The following ANKRD52 variants were observed in gnomAD, a reference collection of about 807,000 sequenced individuals.
The protein encoded by ANKRD52 is ankyrin repeat domain 52, also known as serine/threonine-protein phosphatase 6 regulatory ankyrin repeat subunit C.
ANKRD52 carries 7 observed loss-of-function variants against 116.0 expected under a neutral mutation model. The ratio of observed to expected loss-of-function variants is 0.06; its 90% CI spans 0.03 to 0.11. The LOEUF is 0.11. Among genes scored for constraint, ANKRD52 ranks in the 10% least tolerant of loss-of-function variants. ANKRD52 has a pLI of 1.00. For missense variants in ANKRD52, 839 were observed against 1,408.6 expected (o/e 0.60, Z 6.47); for synonymous variants, 528 against 578.1 (o/e 0.91, Z 1.24).
rs1471651477 is a variant in ANKRD52 at position 56,255,504 on chromosome 12, TGTAA to T, written c.462+276_462+279del. On this transcript the variant is annotated intron_variant, in intron 5 of 27. Transcript: ENST00000267116. The surrounding 1 kb of genome is among the most constrained non-coding windows in gnomAD (Gnocchi z 4.3). ...CGTGCCCGGCCGGTTCTTAAACTCT[TGTAA>T]GTCTTTGCAAATGTGCTGAAAGACA... Among the ~76,000 whole-genome samples the T allele has an allele frequency of 2.0e-5, 3 of 152,224 alleles. No individual in the cohort carries two copies. Among genetic ancestry groups the T allele is most frequent in the Non-Finnish European group, 2.9e-5 (2 of 68,040 alleles).
In ANKRD52 at chr12:56,241,763, G is replaced by A; in HGVS notation, c.*1379C>T. ...GGCTGCACTAGGAGATGGGTGGACA[G>A]AGCACTTAAAGGGACCAGGGCCAAA... On this transcript the variant is annotated 3_prime_UTR_variant, in exon 28 of 28. Coordinates refer to ENST00000267116, the MANE Select transcript of ANKRD52 (RefSeq NM_173595.4). The A allele has an allele frequency of 2.6e-6, 1 of 381,400 alleles. No individual in the cohort carries two copies. Among genetic ancestry groups the A allele is most frequent in the Non-Finnish European group, 4.6e-6 (1 of 215,622 alleles). 23.6% of individuals were successfully genotyped at this position (381,400 alleles called of 1,614,324 possible).
At chr12:56,246,367 C>A (rs1004675166) in intron 20 of ANKRD52, among the ~76,000 whole-genome samples, 2 of 152,170 alleles carry the variant, frequency 1.3e-5, no homozygotes, top group African/African-American at 2.4e-5. Flanking sequence ...GGACCCACAT[C>A]TCCCTCCTTG....
In ANKRD52 at chr12:56,247,474, C is replaced by G; in HGVS notation, c.2184+19G>C. 1 of 1,550,524 alleles carries G rather than the reference C, an allele frequency of 6.4e-7. No individual in the cohort carries two copies. The highest frequency in any genetic ancestry group is 8.7e-7 in the Non-Finnish European group (1 of 1,145,328). The stretch of plus-strand genomic sequence containing the variant: ...ACTGAGGCCCATGTGCAAACAATCC[C>G]CCCTAGAAGCTCACTCACCCCGCGG... On this transcript the variant is annotated intron_variant, in intron 20 of 27. Transcript: ENST00000267116.
At chr12:56,250,748 AAG>A (rs1871650244) in intron 15 of ANKRD52, among the ~76,000 whole-genome samples, 1 of 150,810 alleles carries the variant, frequency 6.6e-6, no homozygotes, top group Non-Finnish European at 1.5e-5. Context: ...AAAAAAAAAA[AAG>A]AAAGAAAAAG....
intron 4 of ANKRD52, among the ~76,000 whole-genome samples, chr12:56,256,533 T>C (rs1431544289): frequency 6.6e-6 from 1 of 152,104 alleles, no homozygotes; most frequent in Non-Finnish European, 1.5e-5. Context: ...GCCAGGGAAG[T>C]GATGAACTGA....
Position 56,254,437 on chromosome 12 carries a change from A to G in ANKRD52, c.693+141T>C, listed in dbSNP as rs1871848168. ...TACTAAGGGCACTATGGCTAAGGTA[A>G]GCATTATTCAGACCCTCTCTACCAC... On this transcript the variant is annotated intron_variant, in intron 7 of 27. Transcript: ENST00000267116. This position sits in a 1 kb window ranked among gnomAD's most constrained non-coding sequence, Gnocchi z 4.6. 6.9e-7 allele frequency: 1 copy of G among 1,446,544 alleles called. No homozygotes were observed. Among genetic ancestry groups the G allele is most frequent in the South Asian group, 1.3e-5 (1 of 76,712 alleles). The allele number at this position is 1,446,544 out of a possible 1,614,324, so 89.6% of individuals were successfully genotyped here. A position where few individuals can be genotyped will look rare whatever the true frequency, so the allele number is the denominator to read the frequency against.
In ANKRD52 at chr12:56,248,249, C is replaced by A. The variant is rs1871513744; in HGVS notation, c.1777-25G>T. The A allele has an allele frequency of 6.2e-7, 1 of 1,611,646 alleles. No individual in the cohort carries two copies. The highest frequency in any genetic ancestry group is 1.1e-5 in the South Asian group (1 of 91,060). ...CCTGGCAAGGTGCAGGCAACCAGTG[C>A]ACACAGCTCGGGACCTTCCCTGCTC... On this transcript the variant is annotated intron_variant, in intron 17 of 27. Coordinates refer to ENST00000267116, the MANE Select transcript of ANKRD52 (RefSeq NM_173595.4). This position sits in a 1 kb window ranked among gnomAD's most constrained non-coding sequence, Gnocchi z 5.1.
In ANKRD52 at chr12:56,243,260, C is replaced by T; in HGVS notation, c.3113G>A (p.Cys1038Tyr). ...SPFSFSLLKN[C>Y]SIAAAKTVGG... Reference sequence around the variant, plus strand: ...CACCGTCTTGGCGGCTGCAATGCTGCAGTTCTTGAGCAGGCTGAAGCTGAA... The same window carrying T: ...CACCGTCTTGGCGGCTGCAATGCTGTAGTTCTTGAGCAGGCTGAAGCTGAA... Residue 1038 changes from cysteine to tyrosine, a missense_variant, in exon 28 of 28, where the codon TGC becomes TAC. By Grantham distance (194) the Cys-to-Tyr change is radical. Transcript: ENST00000267116. The surrounding 1 kb of genome is among the most constrained non-coding windows in gnomAD (Gnocchi z 4.6). The T allele has an allele frequency of 6.2e-7, 1 of 1,613,978 alleles. No homozygotes were observed. The highest frequency in any genetic ancestry group is 8.5e-7 in the Non-Finnish European group (1 of 1,179,882).
rs377262415 is a variant in ANKRD52, at chr12:56,255,015, G to A, written c.463-63C>T. On this transcript the variant is annotated intron_variant, in intron 5 of 27. Transcript: ENST00000267116. This position sits in a 1 kb window ranked among gnomAD's most constrained non-coding sequence, Gnocchi z 4.3. ...ATTCGTGCCCTCAACCTACCTAAGAGCAGAGGCCTCATCTCCTGAAAAGGC... is the reference window on the plus strand; with the variant it reads ...ATTCGTGCCCTCAACCTACCTAAGAACAGAGGCCTCATCTCCTGAAAAGGC... The A allele has an allele frequency of 4.7e-5, 73 of 1,537,204 alleles. No homozygotes were observed. In the African/African-American group the frequency reaches 8.4e-4, roughly 18 times the overall value.
Position 56,254,037 on chromosome 12 carries a change from C to T in ANKRD52, c.906+30G>A. The T allele has an allele frequency of 6.3e-7, 1 of 1,597,744 alleles. No homozygotes were observed. The highest frequency in any genetic ancestry group is 1.3e-5 in the African/African-American group (1 of 74,626). On this transcript the variant is annotated intron_variant, in intron 8 of 27. Coordinates refer to ENST00000267116, the MANE Select transcript of ANKRD52 (RefSeq NM_173595.4). This position sits in a 1 kb window ranked among gnomAD's most constrained non-coding sequence, Gnocchi z 4.6. The stretch of plus-strand genomic sequence containing the variant: ...ACCCCTAGATCCAAGTTTCGCTCCC[C>T]ACTGGTCTAAGCCTTATCCCTTCAG...
At chr12:56,247,938 C>T (rs1027223456) in intron 18 of ANKRD52, 85 bp downstream of exon 18, 3 of 1,427,570 alleles carry the variant, frequency 2.1e-6, no homozygotes, top group African/African-American at 2.8e-5. Context: ...ATTCTCCTCA[C>T]CCTACTCCAC....
Position 56,252,492 on chromosome 12 carries a change from A to G in ANKRD52, c.1370+10T>C, listed in dbSNP as rs146573228. The G allele has an allele frequency of 1.7e-4, 280 of 1,612,736 alleles. No homozygotes were observed. Among genetic ancestry groups the G allele is most frequent in the Non-Finnish European group, 2.2e-4 (258 of 1,178,802 alleles). ...ATATTCCCTATGTTTACCCCTGCAT[A>G]TTAGCATACCTGCCAAATTTGTCCC... On this transcript the variant is annotated intron_variant, in intron 13 of 27. Coordinates refer to ENST00000267116, the MANE Select transcript of ANKRD52 (RefSeq NM_173595.4). The surrounding 1 kb of genome is among the most constrained non-coding windows in gnomAD (Gnocchi z 4.7).
rs1329212412 is a variant in ANKRD52, at chr12:56,257,924, C to G, written c.28-13G>C. ...GGACCAGGGGCGGCTGCAGAGAGAACCGGCATTCTGAGAGCGGGCTGGAGC... is the reference window on the plus strand; with the variant it reads ...GGACCAGGGGCGGCTGCAGAGAGAAGCGGCATTCTGAGAGCGGGCTGGAGC... On this transcript the variant is annotated splice_polypyrimidine_tract_variant and intron_variant, in intron 1 of 27. Transcript: ENST00000267116. 6.2e-6 allele frequency: 10 copies of G among 1,611,808 alleles called. No individual in the cohort carries two copies. The highest frequency in any genetic ancestry group is 6.8e-6 in the Non-Finnish European group (8 of 1,179,082).
Position 56,252,717 on chromosome 12 carries a change from T to G in ANKRD52, c.1301+63A>C. On this transcript the variant is annotated intron_variant, in intron 12 of 27. Transcript: ENST00000267116. This position sits in a 1 kb window ranked among gnomAD's most constrained non-coding sequence, Gnocchi z 4.7. ...GGGAATAGATCTGGGCAGGCAAGAA[T>G]GAGGGGCCCAGACCTTTGCCCAGCT... is the stretch of plus-strand genomic sequence containing the variant. 3 of 1,573,814 alleles carry G rather than the reference T, an allele frequency of 1.9e-6. No individual in the cohort carries two copies. Among genetic ancestry groups the G allele is most frequent in the Non-Finnish European group, 2.6e-6 (3 of 1,146,394 alleles).
At chr12:56,247,867 G>C (rs1871492414) in intron 18 of ANKRD52, 93 bp from the exon 19 acceptor site, 2 of 1,423,512 alleles carry the variant, frequency 1.4e-6, no homozygotes, top group African/African-American at 1.4e-5. Context: ...GTTACAGAAA[G>C]ACCTGGGCCA....
At chr12:56,249,538 A>G (rs1426023060) in intron 15 of ANKRD52, among the ~76,000 whole-genome samples, 3 of 152,202 alleles carry the variant, frequency 2.0e-5, no homozygotes, top group Non-Finnish European at 4.4e-5. Context: ...GTAATAGCTG[A>G]GCCTCTTGGA....
chr12:56,255,485 C>T lies in ANKRD52; in HGVS notation c.462+299G>A, dbSNP rs970744283. On this transcript the variant is annotated intron_variant, in intron 5 of 27. Coordinates refer to ENST00000267116, the MANE Select transcript of ANKRD52 (RefSeq NM_173595.4). This position sits in a 1 kb window ranked among gnomAD's most constrained non-coding sequence, Gnocchi z 4.3. ...GATTACAGGCGTGAGCCGCCGTGCC[C>T]GGCCGGTTCTTAAACTCTTGTAAGT... Among the ~76,000 whole-genome samples the T allele has an allele frequency of 1.3e-5, 2 of 152,206 alleles. No individual in the cohort carries two copies. The highest frequency in any genetic ancestry group is 4.8e-5 in the African/African-American group (2 of 41,450).
chr12:56,247,252 G>A lies in ANKRD52; in HGVS notation c.2184+241C>T, dbSNP rs188529035. Among the ~76,000 whole-genome samples the A allele has an allele frequency of 1.5e-3, 233 of 150,874 alleles. 1 individual carries two copies. The highest frequency in any genetic ancestry group is 0.01 in the Middle Eastern group (3 of 294). On this transcript the variant is annotated intron_variant, in intron 20 of 27. Coordinates refer to ENST00000267116, the MANE Select transcript of ANKRD52 (RefSeq NM_173595.4). Reference sequence around the variant, plus strand: ...TTTCAGCTACTTAGGAGGCTGAGGTGCGAGAATCACCTGAGCCCAGGAAGT... The same window carrying A: ...TTTCAGCTACTTAGGAGGCTGAGGTACGAGAATCACCTGAGCCCAGGAAGT...
In ANKRD52 at chr12:56,252,811, G is replaced by A. The variant is rs762983508; in HGVS notation, c.1270C>T (p.Arg424Cys). 6.2e-7 allele frequency: 1 copy of A among 1,613,684 alleles called. No homozygotes were observed. The highest frequency in any genetic ancestry group is 1.3e-5 in the African/African-American group (1 of 74,906). Residue 424 changes from arginine to cysteine, a missense_variant, in exon 12 of 28, where the codon CGT becomes TGT. Around this residue, in one of 2 missense-constraint regions of ANKRD52, gnomAD observed 287 missense variants for 598.1 expected, o/e 0.48. Transcript: ENST00000267116. The surrounding 1 kb of genome is among the most constrained non-coding windows in gnomAD (Gnocchi z 4.7). ...FDINTPDNLG[R>C]TCLHAAASGG... The stretch of plus-strand genomic sequence containing the variant: ...GAAGCAGCAGCATGAAGACAGGTAC[G>A]GCCAAGGTTGTCAGGTGTATTGATG...
Sources: allele counts gnomAD v4.1 joint callset (sites outside exome capture counted in the v4.1 genomes callset), GRCh38; gene constraint gnomAD v4.1.1; regional missense constraint gnomAD v4.1.1; non-coding constraint Gnocchi (gnomAD v3.1); transcripts MANE v1.5; gene names NCBI Gene and HGNC (gene_info 2026-07-23, HGNC 2026-07-21).